The following MYO3B variants were observed in gnomAD, a reference collection of about 807,000 sequenced individuals.
MYO3B encodes myosin-IIIb.
A neutral mutation model predicts 174.6 loss-of-function variants in MYO3B; 156 were observed. The ratio of observed to expected loss-of-function variants is 0.89; its 90% CI spans 0.78 to 1.02. MYO3B has a LOEUF of 1.02. MYO3B is among the 50% of genes least tolerant of loss of function. MYO3B has a pLI of 0.00. For synonymous variants in MYO3B, 563 were observed against 569.1 expected (o/e 0.99, Z 0.15); for missense variants, 1,632 against 1,639.4 (o/e 1.00, Z 0.08).
At chr2:170,536,271 G>A (rs1689676116) in intron 30 of MYO3B, among the ~76,000 whole-genome samples, 2 of 152,220 alleles carry the variant, frequency 1.3e-5, no homozygotes, top group South Asian at 4.1e-4. Context: ...TTAGAGCAAT[G>A]GCATTATGAG....
chr2:170,293,130 C>T (rs927258548), intron 7 of MYO3B, among the ~76,000 whole-genome samples: 2 of 152,186 alleles, frequency 1.3e-5, no homozygotes, highest in Non-Finnish European at 2.9e-5. Flanking sequence ...TGCATCTCAT[C>T]CTCATATTTG....
At chr2:170,601,452 T>A (rs1281991268) in intron 32 of MYO3B, among the ~76,000 whole-genome samples, 2 of 152,176 alleles carry the variant, frequency 1.3e-5, no homozygotes, top group Non-Finnish European at 2.9e-5. Context: ...TAAAGACACA[T>A]TTGGTAGTGT....
chr2:170,401,729 G>C, intron 18 of MYO3B, 38 bp downstream of exon 18: 1 of 1,577,014 alleles, frequency 6.3e-7, no homozygotes, highest in Non-Finnish European at 8.7e-7. Flanking sequence ...CAGGAGAGCT[G>C]TCATTGACCC....
intron 27 of MYO3B, 57 bp from the exon 28 acceptor site, chr2:170,501,728 T>C (rs1356590521): frequency 3.3e-6 from 4 of 1,220,262 alleles, no homozygotes; most frequent in Non-Finnish European, 4.8e-6. Flanking sequence ...CTTATATCAA[T>C]TCTCTGGCAC....
intron 32 of MYO3B, among the ~76,000 whole-genome samples, chr2:170,552,954 G>A (rs190657484): frequency 6.6e-6 from 1 of 152,284 alleles, no homozygotes; most frequent in Admixed American, 6.5e-5. Flanking sequence ...ATTGCTTCAA[G>A]CCCCAAGCCT....
At chr2:170,232,172 A>C (rs1441294185) in intron 6 of MYO3B, among the ~76,000 whole-genome samples, 1 of 152,222 alleles carries the variant, frequency 6.6e-6, no homozygotes. Flanking sequence ...AAGGGAAGAA[A>C]GACCATTCGA....
intron 7 of MYO3B, among the ~76,000 whole-genome samples, chr2:170,260,555 G>A (rs2093337964): frequency 6.6e-6 from 1 of 152,196 alleles, no homozygotes; most frequent in Non-Finnish European, 1.5e-5. Context: ...GACTACTGGA[G>A]TTGGGAGAGG....
intron 7 of MYO3B, among the ~76,000 whole-genome samples, chr2:170,253,888 CG>C (rs902536290): frequency 2.0e-4 from 2 of 10,194 alleles, no homozygotes; most frequent in Non-Finnish European, 3.7e-4. Context: ...GTTCTGGGGA[CG>C]GGGGGCGGGG....
In MYO3B at chr2:170,632,614, C is replaced by T. The variant is rs144611243; in HGVS notation, c.3734-19014C>T. Among the ~76,000 whole-genome samples, 344 of 151,860 alleles carry T rather than the reference C, an allele frequency of 2.3e-3. 1 individual carries two copies. Among genetic ancestry groups the T allele is most frequent in the African/African-American group, 7.0e-3 (291 of 41,420 alleles). On this transcript the variant is annotated intron_variant, in intron 32 of 34. Transcript: ENST00000408978. ...AAACACATTCAAAAGCTAGCGGAAG[C>T]CAAGAAATAACTAAGATCAGAGGAG...
At chr2:170,499,869 GAATACTCAA>G in intron 27 of MYO3B, 61 bp downstream of exon 27, 1 of 1,517,972 alleles carries the variant, frequency 6.6e-7, no homozygotes, top group South Asian at 1.2e-5. Context: ...AAGTACTGGG[GAATACTCAA>G]CTGTTTCTCT....
chr2:170,457,909 T>G (rs762832787), intron 23 of MYO3B, among the ~76,000 whole-genome samples: 4 of 152,074 alleles, frequency 2.6e-5, no homozygotes, highest in Non-Finnish European at 4.4e-5. Flanking sequence ...TGCCCACCAC[T>G]ACGCCTGGCT....
intron 29 of MYO3B, 27 bp downstream of exon 29, chr2:170,515,049 G>A (rs1334321871): frequency 2.5e-6 from 4 of 1,585,368 alleles, no homozygotes; most frequent in African/African-American, 1.3e-5. Context: ...TTTAGAATGA[G>A]TGTTCTAAAT....
chr2:170,253,502 A>G (rs2105334984), intron 7 of MYO3B, among the ~76,000 whole-genome samples: 1 of 152,326 alleles, frequency 6.6e-6, no homozygotes. Context: ...TGCAGTTGAT[A>G]CAAGTCTGGA....
At chr2:170,595,450 G>A (rs925135445) in intron 32 of MYO3B, among the ~76,000 whole-genome samples, 1 of 151,916 alleles carries the variant, frequency 6.6e-6, no homozygotes, top group Non-Finnish European at 1.5e-5. Context: ...TTTTGTTTTT[G>A]TTTTATGAGA....
chr2:170,243,502 T>C (rs2093158475), intron 7 of MYO3B, among the ~76,000 whole-genome samples: 1 of 152,224 alleles, frequency 6.6e-6, no homozygotes, highest in East Asian at 1.9e-4. Flanking sequence ...CACTTTCAAG[T>C]TCACCAGTGT....
intron 7 of MYO3B, among the ~76,000 whole-genome samples, chr2:170,328,378 A>G (rs1470664431): frequency 1.3e-5 from 2 of 152,100 alleles, no homozygotes; most frequent in Admixed American, 1.3e-4. Flanking sequence ...AGTGTGTTCT[A>G]TGGAGTTTTG....
intron 16 of MYO3B, among the ~76,000 whole-genome samples, chr2:170,398,164 A>G (rs1179518359): frequency 7.1e-6 from 1 of 141,286 alleles, no homozygotes; most frequent in Non-Finnish European, 1.5e-5. Context: ...CGGAGGTTTT[A>G]GTGATCCATG....
chr2:170,602,037 T>G (rs1694542159), intron 32 of MYO3B: 4 of 910,838 alleles, frequency 4.4e-6, no homozygotes, highest in Non-Finnish European at 7.4e-6. Flanking sequence ...TGTCCACCTT[T>G]GCCATATCTT....
chr2:170,239,627 G>A (rs1187816499), intron 7 of MYO3B, among the ~76,000 whole-genome samples: 2 of 152,214 alleles, frequency 1.3e-5, no homozygotes, highest in African/African-American at 4.8e-5. Context: ...GCACAGGCTG[G>A]CCTGAACATT....
Sources: allele counts gnomAD v4.1 joint callset (sites outside exome capture counted in the v4.1 genomes callset), GRCh38; gene constraint gnomAD v4.1.1; transcripts MANE v1.5; gene names NCBI Gene and HGNC (gene_info 2026-07-23, HGNC 2026-07-21).